The following BRIP1 variants were observed in gnomAD, a reference collection of about 807,000 sequenced individuals.
BRIP1 encodes the protein Fanconi anemia group J protein.
BRIP1 carries 88 observed loss-of-function variants against 119.7 expected under a neutral mutation model. The ratio of observed to expected loss-of-function variants is 0.74; its 90% CI spans 0.62 to 0.88. The LOEUF (loss-of-function observed/expected upper bound fraction) is 0.88, where lower values mean the gene tolerates loss of function less well. Among genes scored for constraint, BRIP1 ranks in the 40% least tolerant of loss-of-function variants. BRIP1 has a pLI of 0.00. For missense variants in BRIP1, 1,259 were observed against 1,455.4 expected (o/e 0.87, Z 2.20); for synonymous variants, 443 against 496.5 (o/e 0.89, Z 1.43).
rs938672549 is a variant in BRIP1 at position 61,695,128 on chromosome 17, T to C, written c.2493-1616A>G. Among the ~76,000 whole-genome samples the C allele has an allele frequency of 6.6e-6, 1 of 152,080 alleles. No individual in the cohort carries two copies. Among genetic ancestry groups the C allele is most frequent in the Non-Finnish European group, 1.5e-5 (1 of 67,946 alleles). On this transcript the variant is annotated intron_variant, in intron 17 of 19. Transcript: ENST00000259008. This position sits in a 1 kb window ranked among gnomAD's most constrained non-coding sequence, Gnocchi z 4.3. ...GTCAAGAAAATTTATACCTCTGTTT[T>C]TGCCTTTTTCTGTCTTTGATCCACT...
rs2077885190 is a variant in BRIP1, at chr17:61,795,437, A to G, written c.1341-1708T>C. Among the ~76,000 whole-genome samples the G allele has an allele frequency of 1.3e-5, 2 of 151,222 alleles. No homozygotes were observed. Among genetic ancestry groups the G allele is most frequent in the African/African-American group, 2.4e-5 (1 of 41,108 alleles). On this transcript the variant is annotated intron_variant, in intron 9 of 19. Coordinates refer to ENST00000259008, the MANE Select transcript of BRIP1 (RefSeq NM_032043.3). The surrounding 1 kb of genome is among the most constrained non-coding windows in gnomAD (Gnocchi z 5.6). ...CCAGCCTCTGGTAAACCATCCTTCT[A>G]CTCTCTATCTCAATGGATTAAATTG...
Position 61,689,094 on chromosome 17 carries a change from A to G in BRIP1, c.2576-2929T>C, listed in dbSNP as rs1603278316. On this transcript the variant is annotated intron_variant, in intron 18 of 19. Coordinates refer to ENST00000259008, the MANE Select transcript of BRIP1 (RefSeq NM_032043.3). This position sits in a 1 kb window ranked among gnomAD's most constrained non-coding sequence, Gnocchi z 4.5. Reference sequence around the variant, plus strand: ...AGTCTCGCTCTGTCGCCCAGGCTGGAGTGCAGTGGCGCCATCTCGGCTCAC... The same window carrying G: ...AGTCTCGCTCTGTCGCCCAGGCTGGGGTGCAGTGGCGCCATCTCGGCTCAC... 7.5e-6 allele frequency among the ~76,000 whole-genome samples: 1 copy of G among 133,452 alleles called. No individual in the cohort carries two copies. Among genetic ancestry groups the G allele is most frequent in the South Asian group, 2.3e-4 (1 of 4,292 alleles). 87.5% of individuals were successfully genotyped at this position (133,452 alleles called of 152,430 possible). A position where few individuals can be genotyped will look rare whatever the true frequency, so the allele number is the denominator to read the frequency against.
At position 61,784,359 on chromosome 17, in the gene BRIP1, T is replaced by C; in HGVS notation, c.1539A>G (p.Ala513=). 3 of 1,613,276 alleles carry C rather than the reference T, an allele frequency of 1.9e-6. No homozygotes were observed. Among genetic ancestry groups the C allele is most frequent in the Non-Finnish European group, 2.5e-6 (3 of 1,179,294 alleles). ...KISPIYGKEE[A]REVPVISAST... is the part of the protein sequence containing the mutation. Reference sequence around the variant, plus strand: ...ATGCACTAATAACAGGTACTTCTCTTGCCTCCTCTTTACCATAAATTGGTG... The same window carrying C: ...ATGCACTAATAACAGGTACTTCTCTCGCCTCCTCTTTACCATAAATTGGTG... The change falls in exon 11 of 20, where the codon GCA becomes GCG. Residue 513 remains alanine, a synonymous_variant. Transcript: ENST00000259008.
rs2061330722 is a variant in BRIP1, at chr17:61,684,394, A to T, written c.2906-254T>A. On this transcript the variant is annotated intron_variant, in intron 19 of 19. Transcript: ENST00000259008. This position sits in a 1 kb window ranked among gnomAD's most constrained non-coding sequence, Gnocchi z 4.5. Reference sequence around the variant, plus strand: ...ATCAAATTCCACAGCAGGGAGCTCAAGAATGAATGAGGAAAGAAGGGGTAA... The same window carrying T: ...ATCAAATTCCACAGCAGGGAGCTCATGAATGAATGAGGAAAGAAGGGGTAA... Among the ~76,000 whole-genome samples, 1 of 152,208 alleles carries T rather than the reference A, an allele frequency of 6.6e-6. No individual in the cohort carries two copies. Among genetic ancestry groups the T allele is most frequent in the Admixed American group, 6.5e-5 (1 of 15,276 alleles).
rs1418936607 is a variant in BRIP1, at chr17:61,744,809, C to T, written c.2098-218G>A. On this transcript the variant is annotated intron_variant, in intron 14 of 19. Coordinates refer to ENST00000259008, the MANE Select transcript of BRIP1 (RefSeq NM_032043.3). This position sits in a 1 kb window ranked among gnomAD's most constrained non-coding sequence, Gnocchi z 5.0. ...TGAATGGTGCTGGCACAGTTAGCTGCTGCTGCTGCTACTACTACTATTATC... is the reference window on the plus strand; with the variant it reads ...TGAATGGTGCTGGCACAGTTAGCTGTTGCTGCTGCTACTACTACTATTATC... Among the ~76,000 whole-genome samples the T allele has an allele frequency of 6.6e-6, 1 of 151,788 alleles. No individual in the cohort carries two copies. The highest frequency in any genetic ancestry group is 1.9e-4 in the East Asian group (1 of 5,192).
Position 61,857,991 on chromosome 17 carries a change from T to C in BRIP1, c.206-760A>G, listed in dbSNP as rs554856029. On this transcript the variant is annotated intron_variant, in intron 3 of 19. Transcript: ENST00000259008. This position sits in a 1 kb window ranked among gnomAD's most constrained non-coding sequence, Gnocchi z 5.1. ...AAGGGTTAAATCATTCCCCCAATTA[T>C]ACTTCTATTTCAAATAGAAACATGT... Among the ~76,000 whole-genome samples the C allele has an allele frequency of 2.6e-5, 4 of 152,314 alleles. No individual in the cohort carries two copies. The highest frequency in any genetic ancestry group is 2.0e-4 in the Admixed American group (3 of 15,298).
At chr17:61,813,591 C>G (rs145432990) in intron 6 of BRIP1, among the ~76,000 whole-genome samples, 23 of 152,142 alleles carry the variant, frequency 1.5e-4, no homozygotes, top group African/African-American at 5.3e-4. Context: ...AAGTACAGGA[C>G]AATTACTATT....
chr17:61,806,922 T>G lies in BRIP1; in HGVS notation c.918+1545A>C, dbSNP rs1291079190. ...CATGTTGGCCAGGCCAGTCTCGAACTCCTGACCTCAAGTGCCCGCCTCTGC... is the reference window on the plus strand; with the variant it reads ...CATGTTGGCCAGGCCAGTCTCGAACGCCTGACCTCAAGTGCCCGCCTCTGC... On this transcript the variant is annotated intron_variant, in intron 7 of 19. Coordinates refer to ENST00000259008, the MANE Select transcript of BRIP1 (RefSeq NM_032043.3). The surrounding 1 kb of genome is among the most constrained non-coding windows in gnomAD (Gnocchi z 4.9). Among the ~76,000 whole-genome samples the G allele has an allele frequency of 6.6e-6, 1 of 152,172 alleles. No homozygotes were observed. Among genetic ancestry groups the G allele is most frequent in the Non-Finnish European group, 1.5e-5 (1 of 68,012 alleles).
rs371484780 is a variant in BRIP1, at chr17:61,743,104, C to T, written c.2288G>A (p.Gly763Asp). The change falls in exon 16 of 20, where the codon GGT (glycine) becomes GAT (aspartate). Residue 763 changes from glycine to aspartate, a missense_variant. Gly to Asp is a moderately conservative substitution (Grantham distance 94, BLOSUM62 -1). Coordinates refer to ENST00000259008, the MANE Select transcript of BRIP1 (RefSeq NM_032043.3). This position sits in a 1 kb window ranked among gnomAD's most constrained non-coding sequence, Gnocchi z 4.3. ...GAAATCCAGACCCTCACTCACTTTA[C>T]CACGACAAACTGCTACCAGGAGAGC... ...DGALLVAVCR[G>D]KVSEGLDFSD... The T allele has an allele frequency of 6.2e-7, 1 of 1,613,816 alleles. No homozygotes were observed. The highest frequency in any genetic ancestry group is 8.5e-7 in the Non-Finnish European group (1 of 1,179,900).
rs2144084979 is a variant in BRIP1 at position 61,683,854 on chromosome 17, A to C, written c.3192T>G (p.Phe1064Leu). The C allele has an allele frequency of 1.2e-6, 2 of 1,614,224 alleles. No individual in the cohort carries two copies. Among genetic ancestry groups the C allele is most frequent in the South Asian group, 2.2e-5 (2 of 91,090 alleles). The change falls in exon 20 of 20, where the codon TTT becomes TTG. Residue 1064 changes from phenylalanine (F) to leucine (L), a missense_variant. Physicochemically the swap from Phe to Leu is conservative, Grantham distance 22. Transcript: ENST00000259008. The surrounding 1 kb of genome is among the most constrained non-coding windows in gnomAD (Gnocchi z 4.7). ...ESSNLTVNTSFGSCPQSETII... is the reference protein window; with the variant it reads ...ESSNLTVNTSLGSCPQSETII... Reference sequence around the variant, plus strand: ...TGGTTTCTGATTGAGGGCATGATCCAAACGATGTGTTTACTGTCAGATTTG... The same window carrying C: ...TGGTTTCTGATTGAGGGCATGATCCCAACGATGTGTTTACTGTCAGATTTG...
chr17:61,821,647 AG>A (rs1289397725), intron 6 of BRIP1, among the ~76,000 whole-genome samples: 1 of 152,066 alleles, frequency 6.6e-6, no homozygotes, highest in Non-Finnish European at 1.5e-5. Flanking sequence ...CTCCTGCCTC[AG>A]CTTCCCGAGT....
At chr17:61,787,373 GT>G (rs2077742194) in intron 10 of BRIP1, among the ~76,000 whole-genome samples, 1 of 77,778 alleles carries the variant, frequency 1.3e-5, no homozygotes, top group Non-Finnish European at 2.4e-5. Context: ...ATTATATATA[GT>G]TATATACTAT....
chr17:61,750,111 G>A (rs1415965799), intron 14 of BRIP1, among the ~76,000 whole-genome samples: 1 of 152,158 alleles, frequency 6.6e-6, no homozygotes, highest in Non-Finnish European at 1.5e-5. Context: ...TCTGATCTTA[G>A]AGGAAAACCT....
intron 6 of BRIP1, among the ~76,000 whole-genome samples, chr17:61,818,033 A>C (rs2078263163): frequency 6.6e-6 from 1 of 152,094 alleles, no homozygotes. Flanking sequence ...AAAATAAATA[A>C]GTGAGAATAA....
At position 61,720,521 on chromosome 17, in the gene BRIP1, T is replaced by C. The variant is rs1057401833; in HGVS notation, c.2380-4458A>G. Among the ~76,000 whole-genome samples the C allele has an allele frequency of 1.3e-5, 2 of 152,220 alleles. No individual in the cohort carries two copies. The highest frequency in any genetic ancestry group is 2.9e-5 in the Non-Finnish European group (2 of 68,032). On this transcript the variant is annotated intron_variant, in intron 16 of 19. Coordinates refer to ENST00000259008, the MANE Select transcript of BRIP1 (RefSeq NM_032043.3). The surrounding 1 kb of genome is among the most constrained non-coding windows in gnomAD (Gnocchi z 4.3). Reference sequence around the variant, plus strand: ...TTAAGTTAACTGCGGTCAACTGTGGTCCAAAAATATTAAATAAAAAATTCC... The same window carrying C: ...TTAAGTTAACTGCGGTCAACTGTGGCCCAAAAATATTAAATAAAAAATTCC...
intron 17 of BRIP1, among the ~76,000 whole-genome samples, chr17:61,696,428 G>A (rs1340430947): frequency 2.6e-5 from 4 of 151,936 alleles, no homozygotes; most frequent in African/African-American, 7.3e-5. Context: ...TTCTCGTAAT[G>A]TATTTTACTT....
rs1276861768 is a variant in BRIP1, at chr17:61,706,329, G to C, written c.2492+9622C>G. Reference sequence around the variant, plus strand: ...ACAGCTACTCCACATATTCTGTCTAGGTTTTTTAGACTACTAAATATGCTT... The same window carrying C: ...ACAGCTACTCCACATATTCTGTCTACGTTTTTTAGACTACTAAATATGCTT... On this transcript the variant is annotated intron_variant, in intron 17 of 19. Coordinates refer to ENST00000259008, the MANE Select transcript of BRIP1 (RefSeq NM_032043.3). The surrounding 1 kb of genome is among the most constrained non-coding windows in gnomAD (Gnocchi z 5.7). Among the ~76,000 whole-genome samples the C allele has an allele frequency of 1.3e-5, 2 of 152,104 alleles. No individual in the cohort carries two copies. The highest frequency in any genetic ancestry group is 4.8e-5 in the African/African-American group (2 of 41,520).
At chr17:61,732,539 A>T (rs2076862739) in intron 16 of BRIP1, among the ~76,000 whole-genome samples, 1 of 152,106 alleles carries the variant, frequency 6.6e-6, no homozygotes, top group Admixed American at 6.6e-5. Context: ...GCATCTTGTT[A>T]TATGTTCCTG....
In BRIP1 at chr17:61,740,589, T is replaced by C. The variant is rs2076972950; in HGVS notation, c.2379+2424A>G. On this transcript the variant is annotated intron_variant, in intron 16 of 19. Transcript: ENST00000259008. This position sits in a 1 kb window ranked among gnomAD's most constrained non-coding sequence, Gnocchi z 5.4. ...ATATACAGGCATCCCTGAGAGACAT[T>C]GCAAGTTTGGTTCCAGACCACCCCA... Among the ~76,000 whole-genome samples the C allele has an allele frequency of 6.6e-6, 1 of 152,172 alleles. No individual in the cohort carries two copies. The highest frequency in any genetic ancestry group is 2.4e-5 in the African/African-American group (1 of 41,434).
Sources: gnomAD v4.1 joint callset for allele counts (sites outside exome capture counted in the v4.1 genomes callset) on GRCh38, gnomAD v4.1.1 for gene constraint, Gnocchi (gnomAD v3.1) non-coding constraint, MANE v1.5 for transcripts, NCBI Gene and HGNC (gene_info 2026-07-23, HGNC 2026-07-21) for gene names.